TNIK: variants seen among roughly 807,000 people sequenced by gnomAD.
The protein encoded by TNIK is TRAF2 and NCK interacting kinase.
A neutral mutation model predicts 191.3 loss-of-function variants in TNIK; 49 were observed. The observed-to-expected ratio is 0.26, with a 90% CI of 0.20 to 0.32. The LOEUF (loss-of-function observed/expected upper bound fraction) is 0.32, where lower values mean the gene tolerates loss of function less well. Ranked by LOEUF, TNIK falls within the 10% of genes least tolerant of loss-of-function variation. TNIK has a pLI of 1.00. For missense variants in TNIK, 1,155 were observed against 1,702.3 expected (o/e 0.68, Z 5.66); for synonymous variants, 594 against 600.9 (o/e 0.99, Z 0.17).
At chr3:171,235,650 T>C (rs1243133829) in intron 2 of TNIK, among the ~76,000 whole-genome samples, 1 of 152,180 alleles carries the variant, frequency 6.6e-6, no homozygotes, top group Non-Finnish European at 1.5e-5. Flanking sequence ...GTATTCAACT[T>C]AAGCAGGATT....
chr3:171,326,462 G>A (rs1755758052), intron 2 of TNIK, among the ~76,000 whole-genome samples: 1 of 151,720 alleles, frequency 6.6e-6, no homozygotes. Context: ...GAAAAAAAAA[G>A]AAAAAAACTC....
At chr3:171,132,509 A>G (rs1282136488) in intron 15 of TNIK, among the ~76,000 whole-genome samples, 2 of 152,242 alleles carry the variant, frequency 1.3e-5, no homozygotes, top group East Asian at 1.9e-4. Context: ...TATAAAGGCT[A>G]TACAAATATA....
At chr3:171,226,167 G>A (rs944191090) in intron 3 of TNIK, among the ~76,000 whole-genome samples, 4 of 152,118 alleles carry the variant, frequency 2.6e-5, no homozygotes, top group African/African-American at 9.7e-5. Flanking sequence ...GGATTTTTAA[G>A]TAGACACATT....
intron 2 of TNIK, among the ~76,000 whole-genome samples, chr3:171,339,940 A>G (rs1459781815): frequency 6.6e-6 from 1 of 152,226 alleles, no homozygotes; most frequent in East Asian, 1.9e-4. Context: ...AGTTATATCT[A>G]GAAATAGTGT....
At chr3:171,104,723 G>A (rs1189051345) in intron 21 of TNIK, among the ~76,000 whole-genome samples, 1 of 150,960 alleles carries the variant, frequency 6.6e-6, no homozygotes, top group African/African-American at 2.4e-5. Context: ...TTTTCTCTTT[G>A]TATTAAACTA....
rs1394198712 is a variant in TNIK at position 171,159,360 on chromosome 3, C to T, written c.1017-1696G>A. 2.0e-5 allele frequency among the ~76,000 whole-genome samples: 3 copies of T among 151,682 alleles called. No individual in the cohort carries two copies. The highest frequency in any genetic ancestry group is 1.3e-4 in the Admixed American group (2 of 15,232). On this transcript the variant is annotated intron_variant, in intron 11 of 32. Coordinates refer to ENST00000436636, the MANE Select transcript of TNIK (RefSeq NM_015028.4). This position sits in a 1 kb window ranked among gnomAD's most constrained non-coding sequence, Gnocchi z 4.1. ...GGAATGCTGAGGGAGGAGCAAGTTT[C>T]GTGGCAGTTAACAAGAGGACCAAGG...
intron 2 of TNIK, among the ~76,000 whole-genome samples, chr3:171,229,461 A>G (rs1259919413): frequency 6.6e-6 from 1 of 152,270 alleles, no homozygotes; most frequent in East Asian, 1.9e-4. Flanking sequence ...AGTGTGATTC[A>G]GATTCAGTAG....
At chr3:171,205,105 G>A (rs985163169) in intron 4 of TNIK, among the ~76,000 whole-genome samples, 9 of 152,192 alleles carry the variant, frequency 5.9e-5, no homozygotes, top group African/African-American at 2.2e-4. Context: ...AACAGAGAAT[G>A]CCCCAAATTT....
intron 4 of TNIK, among the ~76,000 whole-genome samples, chr3:171,196,317 A>G (rs1405268649): frequency 2.6e-5 from 4 of 152,198 alleles, no homozygotes; most frequent in African/African-American, 9.6e-5. Flanking sequence ...AATGACTGTT[A>G]ACATTTTAAA....
Position 171,292,332 on chromosome 3 carries a change from CTAT to C in TNIK, c.124-64114_124-64112del, listed in dbSNP as rs1318330063. On this transcript the variant is annotated intron_variant, in intron 2 of 32. Coordinates refer to ENST00000436636, the MANE Select transcript of TNIK (RefSeq NM_015028.4). ...AATATTGTTGTGGAGACTCTGGATT[CTAT>C]TATTTTCCTTTGAACAGTGTTAATG... is the stretch of plus-strand genomic sequence containing the variant. Among the ~76,000 whole-genome samples, 3 of 152,158 alleles carry C rather than the reference CTAT, an allele frequency of 2.0e-5. No homozygotes were observed. In the East Asian group the frequency reaches 5.8e-4, roughly 29 times the overall value.
In TNIK at chr3:171,062,747, AACAC is replaced by A. The variant is rs1717953339; in HGVS notation, c.*1130_*1133del. ...TCCCTTCTCTCACCCACACAGGGAG[AACAC>A]AGGCAGCTCAGAAACATTTATTATT... On this transcript the variant is annotated 3_prime_UTR_variant, in exon 33 of 33. Transcript: ENST00000436636. The A allele has an allele frequency of 6.6e-6, 1 of 152,064 alleles. No individual in the cohort carries two copies. Among genetic ancestry groups the A allele is most frequent in the African/African-American group, 2.4e-5 (1 of 41,374 alleles). The allele number at this position is 152,064 out of a possible 1,614,324, so 9.4% of individuals were successfully genotyped here.
chr3:171,287,329 A>G (rs1413194687), intron 2 of TNIK, among the ~76,000 whole-genome samples: 2 of 152,256 alleles, frequency 1.3e-5, no homozygotes, highest in Non-Finnish European at 2.9e-5. Context: ...CAAATTCAAT[A>G]TATCTAAAAT....
chr3:171,091,619 C>T (rs1576781147), intron 23 of TNIK, among the ~76,000 whole-genome samples: 1 of 152,006 alleles, frequency 6.6e-6, no homozygotes. Context: ...CCCGTAGTCT[C>T]AGCTACTTGG....
At position 171,399,735 on chromosome 3, in the gene TNIK, T is replaced by C. The variant is rs148149673; in HGVS notation, c.58-30050A>G. On this transcript the variant is annotated intron_variant, in intron 1 of 32. Coordinates refer to ENST00000436636, the MANE Select transcript of TNIK (RefSeq NM_015028.4). ...TTATAAAAACATATATATGTGTGCTTGCAAAAGTAAGAAGACTGGAAGAAA... is the reference window on the plus strand; with the variant it reads ...TTATAAAAACATATATATGTGTGCTCGCAAAAGTAAGAAGACTGGAAGAAA... Among the ~76,000 whole-genome samples, 19 of 152,324 alleles carry C rather than the reference T, an allele frequency of 1.2e-4. No homozygotes were observed. The East Asian group carries it at 3.5e-3, about 28-fold the overall frequency.
At chr3:171,174,462 C>T (rs1220090104) in intron 9 of TNIK, among the ~76,000 whole-genome samples, 1 of 152,112 alleles carries the variant, frequency 6.6e-6, no homozygotes, top group African/African-American at 2.4e-5. Context: ...ACACCATTTC[C>T]ATAGGAAGAA....
At chr3:171,271,970 C>T (rs1749160224) in intron 2 of TNIK, among the ~76,000 whole-genome samples, 1 of 152,222 alleles carries the variant, frequency 6.6e-6, no homozygotes. Context: ...ACACAACAGG[C>T]ACCCAAAACA....
chr3:171,152,934 G>A (rs1732658727), intron 12 of TNIK, among the ~76,000 whole-genome samples: 1 of 151,672 alleles, frequency 6.6e-6, no homozygotes, highest in African/African-American at 2.4e-5. Context: ...ACCACACCCG[G>A]CTATTTTTTT....
intron 2 of TNIK, among the ~76,000 whole-genome samples, chr3:171,234,557 G>A (rs6798205): frequency 0.024 from 3,711 of 152,248 alleles, 149 homozygotes; most frequent in African/African-American, 0.082. Context: ...TCAGGGGTGG[G>A]CCAACTGAAA....
intron 2 of TNIK, among the ~76,000 whole-genome samples, chr3:171,236,361 C>T (rs1744267261): frequency 1.3e-5 from 2 of 152,142 alleles, no homozygotes; most frequent in Admixed American, 1.3e-4. Context: ...GAGGGGAAAG[C>T]TATGTGATCT....
Sources: gnomAD v4.1 joint callset for allele counts (sites outside exome capture counted in the v4.1 genomes callset) on GRCh38, gnomAD v4.1.1 for gene constraint, Gnocchi (gnomAD v3.1) non-coding constraint, MANE v1.5 for transcripts, NCBI Gene and HGNC (gene_info 2026-07-23, HGNC 2026-07-21) for gene names.